The following CEP128 variants were observed in gnomAD, a reference collection of about 807,000 sequenced individuals.
CEP128 encodes centrosomal protein 128, also known as centrosomal protein 128kDa.
CEP128 carries 132 observed loss-of-function variants against 156.7 expected under a neutral mutation model. The observed-to-expected ratio is 0.84, with a 90% confidence interval of 0.73 to 0.97. The LOEUF (loss-of-function observed/expected upper bound fraction) is 0.97. CEP128 is among the 50% of genes least tolerant of loss of function. CEP128 has a pLI of 0.00. For missense variants in CEP128, 1,252 were observed against 1,281.9 expected, an observed-to-expected ratio of 0.98 and a Z score of 0.36; for synonymous variants, 469 against 448.9, an observed-to-expected ratio of 1.04 and a Z score of -0.57.
rs1358439172 is a variant in CEP128, at chr14:80,904,691, T to C, written c.480+122A>G. 1.2e-5 allele frequency: 8 copies of C among 678,968 alleles called. No homozygotes were observed. In the East Asian group the frequency reaches 1.8e-4, roughly 15 times the overall value. 42.1% of individuals were successfully genotyped at this position (678,968 alleles called of 1,614,324 possible). A position where few individuals can be genotyped will look rare whatever the true frequency, so the allele number is the denominator to read the frequency against. On this transcript the variant is annotated intron_variant, in intron 6 of 24. Coordinates refer to ENST00000555265, the MANE Select transcript of CEP128 (RefSeq NM_152446.5). ...TTGGTTCCAAAAAAAGGGATCAGTATAAAGTTACTAATGATCAAATTCTTG... is the reference window on the plus strand; with the variant it reads ...TTGGTTCCAAAAAAAGGGATCAGTACAAAGTTACTAATGATCAAATTCTTG...
chr14:80,931,160 CA>C (rs1199436352), intron 2 of CEP128, among the ~76,000 whole-genome samples: 1 of 152,206 alleles, frequency 6.6e-6, no homozygotes, highest in Non-Finnish European at 1.5e-5. Flanking sequence ...TGCCAACCAA[CA>C]CCACAGCTGC....
At chr14:80,701,321 C>A (rs1038469038) in intron 19 of CEP128, among the ~76,000 whole-genome samples, 6 of 152,122 alleles carry the variant, frequency 3.9e-5, no homozygotes, top group Non-Finnish European at 5.9e-5. Flanking sequence ...AACAGACTCT[C>A]CTGAGGAATC....
chr14:80,557,943 CTCTTTATATA>C (rs906461868), intron 21 of CEP128, among the ~76,000 whole-genome samples: 2 of 152,060 alleles, frequency 1.3e-5, no homozygotes, highest in African/African-American at 4.8e-5. Context: ...ATTTTTATCA[CTCTTTATATA>C]TCTTTATATA....
At position 80,785,102 on chromosome 14, in the gene CEP128, G is replaced by A; in HGVS notation, c.2004C>T (p.Leu668=). The change falls in exon 15 of 25, where the codon CTC becomes CTT. Residue 668 remains leucine (L), a synonymous_variant. Coordinates refer to ENST00000555265, the MANE Select transcript of CEP128 (RefSeq NM_152446.5). ...CATCCCTGGATTTTGCCTGTGCAGT[G>A]AGGTCAGAAAGGTCCTTAAGCACTG... ...KKAVLKDLSD[L]TAQAKSRDEE... is the part of the protein sequence containing the mutation. 2 of 1,614,194 alleles carry A rather than the reference G, an allele frequency of 1.2e-6. No homozygotes were observed. The highest frequency in any genetic ancestry group is 1.7e-6 in the Non-Finnish European group (2 of 1,179,998).
chr14:80,490,990 C>G (rs1035281867), intron 6 of CEP128, among the ~76,000 whole-genome samples: 3 of 152,166 alleles, frequency 2.0e-5, no homozygotes, highest in Non-Finnish European at 4.4e-5. Flanking sequence ...GTAATTCTAA[C>G]AAGCACCCAG....
intron 13 of CEP128, among the ~76,000 whole-genome samples, chr14:80,808,465 G>C (rs904350339): frequency 6.6e-6 from 1 of 152,116 alleles, no homozygotes. Context: ...GGAACCCAGA[G>C]GGTCATCTCA....
chr14:80,685,707 C>A (rs990235629), intron 19 of CEP128, among the ~76,000 whole-genome samples: 1 of 152,134 alleles, frequency 6.6e-6, no homozygotes, highest in African/African-American at 2.4e-5. Flanking sequence ...CTATGTCAAA[C>A]TATACTATAA....
intron 2 of CEP128, among the ~76,000 whole-genome samples, chr14:80,949,208 A>G (rs1183300670): frequency 6.6e-6 from 1 of 152,186 alleles, no homozygotes; most frequent in African/African-American, 2.4e-5. Flanking sequence ...AAGCCTTATG[A>G]TTGCCACAAC....
At chr14:80,763,880 C>T (rs542871317) in intron 16 of CEP128, among the ~76,000 whole-genome samples, 2 of 152,218 alleles carry the variant, frequency 1.3e-5, no homozygotes, top group South Asian at 2.1e-4. Flanking sequence ...TCTCCCCACA[C>T]GTACATAAGG....
intron 8 of CEP128, among the ~76,000 whole-genome samples, chr14:80,874,079 A>C (rs547774147): frequency 2.2e-4 from 34 of 152,248 alleles, no homozygotes; most frequent in African/African-American, 7.7e-4. Flanking sequence ...AACTAATACA[A>C]CAAGCATGTT....
chr14:80,737,016 G>T (rs1416155531), intron 19 of CEP128, among the ~76,000 whole-genome samples: 3 of 152,136 alleles, frequency 2.0e-5, no homozygotes, highest in African/African-American at 7.2e-5. Flanking sequence ...ATAAGCAAAA[G>T]AAACTAAGAA....
At chr14:80,823,450 G>C (rs1214513248) in intron 13 of CEP128, among the ~76,000 whole-genome samples, 3 of 152,138 alleles carry the variant, frequency 2.0e-5, no homozygotes, top group Admixed American at 2.0e-4. Flanking sequence ...GACTTCATTG[G>C]GTTTTACAGT....
intron 20 of CEP128, among the ~76,000 whole-genome samples, chr14:80,563,264 C>T (rs1266868480): frequency 1.3e-5 from 2 of 151,938 alleles, no homozygotes; most frequent in African/African-American, 2.4e-5. Context: ...ATTGCTAGAA[C>T]AATGAAAGGG....
chr14:80,803,914 AATT>A (rs1439986580), intron 13 of CEP128, among the ~76,000 whole-genome samples: 1 of 152,090 alleles, frequency 6.6e-6, no homozygotes, highest in Non-Finnish European at 1.5e-5. Flanking sequence ...ATTAACCATA[AATT>A]ATTAATGTTT....
At chr14:80,522,609 T>A (rs1046591254) in intron 23 of CEP128, among the ~76,000 whole-genome samples, 1 of 152,240 alleles carries the variant, frequency 6.6e-6, no homozygotes, top group Non-Finnish European at 1.5e-5. Context: ...AATTCCAATG[T>A]TAATTAAAAC....
intron 15 of CEP128, among the ~76,000 whole-genome samples, chr14:80,784,138 A>T (rs966107974): frequency 6.6e-6 from 1 of 152,194 alleles, no homozygotes; most frequent in Non-Finnish European, 1.5e-5. Context: ...GATATTTACA[A>T]TGTTCCAAAA....
chr14:80,790,065 T>C (rs987989630), intron 14 of CEP128, among the ~76,000 whole-genome samples: 7 of 152,094 alleles, frequency 4.6e-5, no homozygotes, highest in African/African-American at 7.2e-5. Flanking sequence ...TTTTACAAGA[T>C]AGCATATATT....
intron 19 of CEP128, among the ~76,000 whole-genome samples, chr14:80,665,872 A>T (rs1895591263): frequency 6.6e-6 from 1 of 152,212 alleles, no homozygotes; most frequent in South Asian, 2.1e-4. Flanking sequence ...CAGCACTAGA[A>T]ACCAGAAAGG....
chr14:80,844,329 C>T lies in CEP128; in HGVS notation c.763-3561G>A, dbSNP rs866968055. On this transcript the variant is annotated intron_variant, in intron 9 of 24. Coordinates refer to ENST00000555265, the MANE Select transcript of CEP128 (RefSeq NM_152446.5). ...ATGACCAAGGAAAGGAAATTCTATA[C>T]CAACAACTACAACTTAAAAAATAAA... 4.1e-4 allele frequency among the ~76,000 whole-genome samples: 63 copies of T among 151,992 alleles called. 1 individual carries two copies. The Middle Eastern group carries it at 0.014, about 33-fold the overall frequency.
Sources: gnomAD v4.1 joint callset for allele counts (sites outside exome capture counted in the v4.1 genomes callset) on GRCh38, gnomAD v4.1.1 for gene constraint, MANE v1.5 for transcripts, NCBI Gene and HGNC (gene_info 2026-07-23, HGNC 2026-07-21) for gene names.